The following LOXHD1 variants were observed in gnomAD, a reference collection of about 807,000 sequenced individuals.
LOXHD1 encodes lipoxygenase homology domain-containing protein 1.
Under a neutral mutation model 248.2 loss-of-function variants are expected in LOXHD1, and 205 were observed. The ratio of observed to expected loss-of-function variants is 0.83; its 90% CI spans 0.74 to 0.93. LOXHD1 has a LOEUF of 0.93. Among genes scored for constraint, LOXHD1 ranks in the 40% least tolerant of loss-of-function variants. LOXHD1 has a pLI of 0.00. For synonymous variants in LOXHD1, 1,113 were observed against 1,162.8 expected (o/e 0.96, Z 0.87); for missense variants, 2,930 against 2,971.6 (o/e 0.99, Z 0.33).
chr18:46,514,439 T>C (rs2035138765), intron 34 of LOXHD1, among the ~76,000 whole-genome samples: 2 of 152,228 alleles, frequency 1.3e-5, no homozygotes, highest in South Asian at 4.1e-4. Flanking sequence ...CCAAGTCTTC[T>C]GCCCATGAAG....
At chr18:46,551,250 T>C (rs889905230) in intron 21 of LOXHD1, among the ~76,000 whole-genome samples, 5 of 151,926 alleles carry the variant, frequency 3.3e-5, no homozygotes, top group Non-Finnish European at 7.4e-5. Flanking sequence ...CTACAGGCAC[T>C]CACCACCACG....
chr18:46,536,563 C>T (rs1225080223), intron 26 of LOXHD1, among the ~76,000 whole-genome samples: 1 of 152,182 alleles, frequency 6.6e-6, no homozygotes. Flanking sequence ...TTAGTGGGGA[C>T]TTCATTGATA....
chr18:46,621,668 G>A (rs1449450482), intron 4 of LOXHD1, among the ~76,000 whole-genome samples: 1 of 151,972 alleles, frequency 6.6e-6, no homozygotes, highest in Non-Finnish European at 1.5e-5. Flanking sequence ...AGAACAAAAC[G>A]CCCACATATG....
intron 34 of LOXHD1, among the ~76,000 whole-genome samples, chr18:46,517,600 GTCT>G (rs751600847): frequency 1.8e-4 from 27 of 152,176 alleles, no homozygotes; most frequent in Non-Finnish European, 2.8e-4. Context: ...AAGGACCCTT[GTCT>G]TCTTGGTTAT....
intron 32 of LOXHD1, among the ~76,000 whole-genome samples, chr18:46,521,885 G>A (rs1193658619): frequency 1.3e-5 from 2 of 152,206 alleles, no homozygotes; most frequent in African/African-American, 2.4e-5. Context: ...CTAATACACA[G>A]AACATTCCCA....
intron 6 of LOXHD1, among the ~76,000 whole-genome samples, chr18:46,605,624 G>A (rs1346557970): frequency 6.6e-6 from 1 of 152,134 alleles, no homozygotes; most frequent in African/African-American, 2.4e-5. Flanking sequence ...AAAAAGAAAA[G>A]AAACCATCAC....
chr18:46,533,469 C>T, intron 27 of LOXHD1, 145 bp from the exon 28 acceptor site: 4 of 794,680 alleles, frequency 5.0e-6, no homozygotes, highest in Non-Finnish European at 7.8e-6. Context: ...GAGCCCCTTG[C>T]CCCAATTTCA....
At chr18:46,481,717 C>G (rs1183124552) in intron 40 of LOXHD1, among the ~76,000 whole-genome samples, 1 of 152,212 alleles carries the variant, frequency 6.6e-6, no homozygotes, top group African/African-American at 2.4e-5. Flanking sequence ...GGCTGCATTC[C>G]TGAGGCTGGA....
At chr18:46,480,004 C>T (rs2032423655) in intron 40 of LOXHD1, among the ~76,000 whole-genome samples, 2 of 152,118 alleles carry the variant, frequency 1.3e-5, no homozygotes, top group East Asian at 3.9e-4. Flanking sequence ...AATCCTTATT[C>T]TGTTTTGAGA....
intron 37 of LOXHD1, among the ~76,000 whole-genome samples, chr18:46,493,381 C>T (rs2033622411): frequency 1.3e-5 from 2 of 152,198 alleles, no homozygotes; most frequent in Non-Finnish European, 2.9e-5. Context: ...ATAAGTTTGT[C>T]TTTGTTTTCT....
intron 7 of LOXHD1, among the ~76,000 whole-genome samples, chr18:46,602,210 T>A (rs576496699): frequency 6.6e-4 from 101 of 152,254 alleles, no homozygotes; most frequent in South Asian, 2.1e-3. Flanking sequence ...ATTTTATTTA[T>A]TTTTTATTTT....
intron 32 of LOXHD1, among the ~76,000 whole-genome samples, chr18:46,521,789 C>A (rs2035589252): frequency 6.6e-6 from 1 of 152,206 alleles, no homozygotes; most frequent in Non-Finnish European, 1.5e-5. Context: ...CACACCTAGA[C>A]TCCTGACCCA....
At chr18:46,642,607 G>A (rs115748340) in intron 2 of LOXHD1, among the ~76,000 whole-genome samples, 3,016 of 152,348 alleles carry the variant, frequency 0.02, 105 homozygotes, top group African/African-American at 0.069. Context: ...AGTGAGGGAA[G>A]TGCATCTCTG....
chr18:46,508,480 G>A (rs192201647), intron 35 of LOXHD1, among the ~76,000 whole-genome samples: 52 of 152,268 alleles, frequency 3.4e-4, no homozygotes, highest in Non-Finnish European at 7.2e-4. Context: ...CCAGAAGAGT[G>A]GCCCAGAACA....
intron 4 of LOXHD1, among the ~76,000 whole-genome samples, chr18:46,630,655 G>T (rs1464447953): frequency 4.6e-5 from 7 of 152,188 alleles, no homozygotes; most frequent in Non-Finnish European, 1.0e-4. Context: ...AAGTCAAAGA[G>T]GACTGAGTAG....
intron 4 of LOXHD1, among the ~76,000 whole-genome samples, chr18:46,639,372 C>T (rs2038933768): frequency 6.6e-6 from 1 of 152,246 alleles, no homozygotes; most frequent in African/African-American, 2.4e-5. Context: ...CCTATCCTTC[C>T]ATCATGCCTC....
intron 36 of LOXHD1, 84 bp downstream of exon 36, chr18:46,507,454 C>A (rs140391781): frequency 6.7e-7 from 1 of 1,483,964 alleles, no homozygotes; most frequent in African/African-American, 1.4e-5. Context: ...AAGAAAAATG[C>A]CCTGACCAGA....
chr18:46,565,421 G>A lies in LOXHD1; in HGVS notation c.2437+836C>T, dbSNP rs114992935. On this transcript the variant is annotated intron_variant, in intron 17 of 40. Transcript: ENST00000642948. ...TCATGTTCCTCTTGGCTGTTCATTC[G>A]CATTATCCTATTATTGTCTGTCTCC... is the stretch of plus-strand genomic sequence containing the variant. Among the ~76,000 whole-genome samples the A allele has an allele frequency of 3.2e-3, 494 of 152,146 alleles. 1 individual carries two copies. Among genetic ancestry groups the A allele is most frequent in the African/African-American group, 0.011 (475 of 41,494 alleles).
intron 15 of LOXHD1, among the ~76,000 whole-genome samples, 197 bp downstream of exon 15, chr18:46,571,889 C>G (rs187742657): frequency 6.6e-6 from 1 of 152,208 alleles, no homozygotes; most frequent in Non-Finnish European, 1.5e-5. Context: ...GGCCTCACAC[C>G]TGAGGCCACA....
Sources: allele counts gnomAD v4.1 joint callset (sites outside exome capture counted in the v4.1 genomes callset), GRCh38; gene constraint gnomAD v4.1.1; transcripts MANE v1.5; gene names NCBI Gene and HGNC (gene_info 2026-07-23, HGNC 2026-07-21).